ZNF684: variants seen among roughly 807,000 people sequenced by gnomAD.
ZNF684 encodes the protein zinc finger protein 684.
ZNF684 carries 13 observed loss-of-function variants against 12.8 expected under a neutral mutation model. The observed-to-expected ratio is 1.02, with a 90% CI of 0.66 to 1.62. ZNF684 has a LOEUF of 1.62. Among genes scored for constraint, ZNF684 ranks in the 40% most tolerant of loss-of-function variants. The probability of loss-of-function intolerance (pLI) is 0.00; values close to 1 mark genes in which losing one functional copy is unlikely to be tolerated. For synonymous variants in ZNF684, 118 were observed against 151.8 expected (o/e 0.78, Z 1.64); for missense variants, 384 against 446.9 (o/e 0.86, Z 1.27).
Position 40,540,670 on chromosome 1 carries a change from T to G in ZNF684, c.100T>G (p.Trp34Gly), listed in dbSNP as rs1209562268. ...TGATTGTGCTGAGAGAACCCTGTAT[T>G]GGGATGTGATGTTGGAGAACTATAG... ...LLDCAERTLYWDVMLENYRNL... is the reference protein window; with the variant it reads ...LLDCAERTLYGDVMLENYRNL... Residue 34 changes from tryptophan (W) to glycine (G), a missense_variant, in exon 3 of 5, where the codon TGG (tryptophan) becomes GGG (glycine). Physicochemically the swap from Trp to Gly is radical, Grantham distance 184 (BLOSUM62 -2). Coordinates refer to ENST00000372699, the MANE Select transcript of ZNF684 (RefSeq NM_152373.4). The G allele has an allele frequency of 6.2e-7, 1 of 1,611,638 alleles. No individual in the cohort carries two copies. The highest frequency in any genetic ancestry group is 1.7e-5 in the Admixed American group (1 of 59,756).
chr1:40,532,422 A>G (rs1260776893), intron 1 of ZNF684, among the ~76,000 whole-genome samples: 1 of 151,198 alleles, frequency 6.6e-6, no homozygotes, highest in Admixed American at 6.6e-5. Flanking sequence ...TTCTCCTGAA[A>G]TGTTTGAGCA....
intron 4 of ZNF684, 24 bp from the exon 5 acceptor site, chr1:40,546,538 A>T (rs1027193887): frequency 6.6e-7 from 1 of 1,505,404 alleles, no homozygotes; most frequent in Non-Finnish European, 8.8e-7. Flanking sequence ...GTAACTAGGA[A>T]TGTTTTGTTG....
rs57200329 is a variant in ZNF684 at position 40,541,030 on chromosome 1, C to CAAAAA, written c.142+335_142+339dup. On this transcript the variant is annotated intron_variant, in intron 3 of 4. Coordinates refer to ENST00000372699, the MANE Select transcript of ZNF684 (RefSeq NM_152373.4). ...TGGGTGACAGAGTGAGACCCTATCT[C>CAAAAA]AAAAAAAAAAAAAAAAAAAAATCGT... Among the ~76,000 whole-genome samples, 116 of 79,384 alleles carry CAAAAA rather than the reference C, an allele frequency of 1.5e-3. 1 individual carries two copies. The East Asian group carries it at 0.03, about 20-fold the overall frequency. 52.1% of individuals were successfully genotyped at this position (79,384 alleles called of 152,430 possible).
At chr1:40,546,532 C>G (rs755716282) in intron 4 of ZNF684, 30 bp from the exon 5 acceptor site, 2 of 1,498,626 alleles carry the variant, frequency 1.3e-6, no homozygotes, top group Non-Finnish European at 1.8e-6. Context: ...GAAAAAGTAA[C>G]TAGGAATGTT....
At chr1:40,539,619 GTCATTGT>G (rs1191629950) in intron 2 of ZNF684, among the ~76,000 whole-genome samples, 1 of 152,144 alleles carries the variant, frequency 6.6e-6, no homozygotes, top group African/African-American at 2.4e-5. Flanking sequence ...GCCAACACAG[GTCATTGT>G]CTGCGTTTGA....
intron 2 of ZNF684, among the ~76,000 whole-genome samples, chr1:40,536,019 G>A (rs1645981895): frequency 6.6e-6 from 1 of 152,078 alleles, no homozygotes; most frequent in Non-Finnish European, 1.5e-5. Context: ...TCTCTTTTGT[G>A]GTAGATATGT....
At chr1:40,539,900 C>G (rs1202544279) in intron 2 of ZNF684, among the ~76,000 whole-genome samples, 1 of 151,766 alleles carries the variant, frequency 6.6e-6, no homozygotes, top group South Asian at 2.1e-4. Context: ...AGAAATGTCT[C>G]TAAATCCTTT....
chr1:40,546,106 A>G (rs1057334519), intron 4 of ZNF684, among the ~76,000 whole-genome samples: 50 of 151,986 alleles, frequency 3.3e-4, no homozygotes, highest in African/African-American at 1.2e-3. Flanking sequence ...CATTTTTAGT[A>G]GAGACCAGGT....
chr1:40,543,853 T>C (rs1450862359), intron 4 of ZNF684, among the ~76,000 whole-genome samples: 1 of 152,226 alleles, frequency 6.6e-6, no homozygotes, highest in Admixed American at 6.5e-5. Flanking sequence ...CCTCTTTCAT[T>C]GTAACTCCAG....
chr1:40,541,696 A>G lies in ZNF684; in HGVS notation c.224A>G (p.His75Arg), dbSNP rs201654008. The change falls in exon 4 of 5, where the codon CAC becomes CGC. Residue 75 changes from histidine to arginine, a missense_variant. Physicochemically the swap from His to Arg is conservative, Grantham distance 29. Coordinates refer to ENST00000372699, the MANE Select transcript of ZNF684 (RefSeq NM_152373.4). ...TGGATGGTGGAGGGAGCGAATCCAC[A>G]CGAGAGCTCTCCAGGTGAGTGAGAG... Reference protein sequence around the residue: ...EPWMVEGANPHESSPESDYPL... With the variant: ...EPWMVEGANPRESSPESDYPL... The G allele has an allele frequency of 3.1e-6, 5 of 1,613,000 alleles. No homozygotes were observed. The highest frequency in any genetic ancestry group is 4.2e-6 in the Non-Finnish European group (5 of 1,179,374).
rs1275546437 is a variant in ZNF684, at chr1:40,541,659, G to A, written c.187G>A (p.Gly63Arg). The change falls in exon 4 of 5, where the codon GGA becomes AGA. Residue 63 changes from glycine to arginine, a missense_variant. Physicochemically the swap from Gly to Arg is moderately radical, Grantham distance 125 (BLOSUM62 -2). Coordinates refer to ENST00000372699, the MANE Select transcript of ZNF684 (RefSeq NM_152373.4). Reference sequence around the variant, plus strand: ...AAAAGTGATCCTCAAGGTAGAGCAAGGACAAGAGCCATGGATGGTGGAGGG... The same window carrying A: ...AAAAGTGATCCTCAAGGTAGAGCAAAGACAAGAGCCATGGATGGTGGAGGG... ...KTKVILKVEQGQEPWMVEGAN... is the reference protein window; with the variant it reads ...KTKVILKVEQRQEPWMVEGAN... 1 of 1,613,574 alleles carries A rather than the reference G, an allele frequency of 6.2e-7. No homozygotes were observed. Among genetic ancestry groups the A allele is most frequent in the Non-Finnish European group, 8.5e-7 (1 of 1,179,692 alleles).
In ZNF684 at chr1:40,547,864, C is replaced by T. The variant is rs1214668422; in HGVS notation, c.*404C>T. 3 of 154,508 alleles carry T rather than the reference C, an allele frequency of 1.9e-5. No homozygotes were observed. The highest frequency in any genetic ancestry group is 4.3e-5 in the Non-Finnish European group (3 of 69,724). 9.6% of individuals were successfully genotyped at this position (154,508 alleles called of 1,614,324 possible). ...CATTTTTTCTTCCAGTCTCAACATA[C>T]ATAATTAATCAAGTGAGAAAATGTG... On this transcript the variant is annotated 3_prime_UTR_variant, in exon 5 of 5. Transcript: ENST00000372699.
In ZNF684 at chr1:40,546,910, A is replaced by G. The variant is rs569615919; in HGVS notation, c.587A>G (p.Tyr196Cys). The G allele has an allele frequency of 3.2e-5, 52 of 1,614,218 alleles. No individual in the cohort carries two copies. The African/African-American group carries it at 5.6e-4, about 17-fold the overall frequency. Residue 196 changes from tyrosine to cysteine, a missense_variant, in exon 5 of 5, where the codon TAT (tyrosine) becomes TGT (cysteine). Coordinates refer to ENST00000372699, the MANE Select transcript of ZNF684 (RefSeq NM_152373.4). ...GAATGCAATGACTGTGGAAAAGCCTATAGCAGGAAGGCACACCTTGCAACT... is the reference window on the plus strand; with the variant it reads ...GAATGCAATGACTGTGGAAAAGCCTGTAGCAGGAAGGCACACCTTGCAACT... The part of the protein sequence containing the change: ...PFECNDCGKA[Y>C]SRKAHLATHQ...
rs1336087495 is a variant in ZNF684 at position 40,546,879 on chromosome 1, C to T, written c.556C>T (p.Pro186Ser). The change falls in exon 5 of 5, where the codon CCT (proline) becomes TCT (serine). Residue 186 changes from proline (P) to serine (S), a missense_variant. Coordinates refer to ENST00000372699, the MANE Select transcript of ZNF684 (RefSeq NM_152373.4). ...TGAAAAAAATCATACAAGGAAAAAA[C>T]CTTTTGAATGCAATGACTGTGGAAA... is the stretch of plus-strand genomic sequence containing the variant. ...RHEKNHTRKKPFECNDCGKAY... is the reference protein window; with the variant it reads ...RHEKNHTRKKSFECNDCGKAY... 1 of 1,613,512 alleles carries T rather than the reference C, an allele frequency of 6.2e-7. No homozygotes were observed. Among genetic ancestry groups the T allele is most frequent in the Middle Eastern group, 1.7e-4 (1 of 6,060 alleles).
At chr1:40,536,986 G>A (rs959048204) in intron 2 of ZNF684, among the ~76,000 whole-genome samples, 24 of 152,002 alleles carry the variant, frequency 1.6e-4, no homozygotes, top group African/African-American at 5.8e-4. Flanking sequence ...GTGTGCATGT[G>A]TCTTTATAGC....
intron 2 of ZNF684, among the ~76,000 whole-genome samples, chr1:40,538,799 G>A (rs1442697002): frequency 2.0e-5 from 3 of 150,808 alleles, no homozygotes; most frequent in African/African-American, 7.3e-5. Context: ...CTCCAGCGTG[G>A]GTGACAGAGT....
Position 40,547,124 on chromosome 1 carries a change from T to C in ZNF684, c.801T>C (p.Leu267=). The part of the protein sequence containing the change: ...SFNQHVKSHT[L]EKSFECKECG... Reference sequence around the variant, plus strand: ...ATCAACACGTGAAATCTCATACACTTGAGAAGTCATTTGAATGTAAGGAAT... The same window carrying C: ...ATCAACACGTGAAATCTCATACACTCGAGAAGTCATTTGAATGTAAGGAAT... Residue 267 remains leucine (L), a synonymous_variant, in exon 5 of 5, where the codon CTT becomes CTC. Transcript: ENST00000372699. 2 of 1,614,200 alleles carry C rather than the reference T, an allele frequency of 1.2e-6. No homozygotes were observed. Among genetic ancestry groups the C allele is most frequent in the Non-Finnish European group, 1.7e-6 (2 of 1,180,020 alleles).
At chr1:40,532,207 G>A (rs1352735171) in intron 1 of ZNF684, among the ~76,000 whole-genome samples, 1 of 152,150 alleles carries the variant, frequency 6.6e-6, no homozygotes, top group Non-Finnish European at 1.5e-5. Flanking sequence ...TGGATTAGAA[G>A]GGTATTCTCA....
At chr1:40,539,935 G>T (rs1270606348) in intron 2 of ZNF684, among the ~76,000 whole-genome samples, 2 of 151,292 alleles carry the variant, frequency 1.3e-5, no homozygotes, top group African/African-American at 4.9e-5. Context: ...TGTGTTGTCT[G>T]TTTATTGTTG....
Sources: gnomAD v4.1 joint callset for allele counts (sites outside exome capture counted in the v4.1 genomes callset) on GRCh38, gnomAD v4.1.1 for gene constraint, MANE v1.5 for transcripts, NCBI Gene and HGNC (gene_info 2026-07-23, HGNC 2026-07-21) for gene names.